The following CRAMP1 variants were observed in gnomAD, a reference collection of about 807,000 sequenced individuals.
CRAMP1 encodes the protein protein cramped-like.
CRAMP1 carries 50 observed loss-of-function variants against 115.4 expected under a neutral mutation model. The observed-to-expected ratio is 0.43, with a 90% CI of 0.35 to 0.55. The LOEUF (loss-of-function observed/expected upper bound fraction) is 0.55, where lower values mean the gene tolerates loss of function less well. Among genes scored for constraint, CRAMP1 ranks in the 20% least tolerant of loss-of-function variants. CRAMP1 has a pLI of 0.01. For missense variants in CRAMP1, 1,679 were observed against 1,721.7 expected, an observed-to-expected ratio of 0.98 and a Z score of 0.44; for synonymous variants, 866 against 745.4, an observed-to-expected ratio of 1.16 and a Z score of -2.64.
intron 3 of CRAMP1, among the ~76,000 whole-genome samples, chr16:1,630,447 G>C (rs1389196061): frequency 6.6e-6 from 1 of 152,084 alleles, no homozygotes; most frequent in Non-Finnish European, 1.5e-5. Context: ...CCACCACCTG[G>C]CTCCCTTAAC....
Position 1,614,754 on chromosome 16 carries a change from G to T in CRAMP1, c.115G>T (p.Ala39Ser). 1 of 1,368,726 alleles carries T rather than the reference G, an allele frequency of 7.3e-7. No individual in the cohort carries two copies. The highest frequency in any genetic ancestry group is 3.1e-5 in the East Asian group (1 of 31,942). The allele number at this position is 1,368,726 out of a possible 1,614,324, so 84.8% of individuals were successfully genotyped here. ...EGEGAGGADA[A>S]EESSGTKRDE... ...AGAAGGGGCCGGCGGCGCAGACGCG[G>T]CCGAGGAGAGCAGCGGCACAAAGAG... is the stretch of plus-strand genomic sequence containing the variant. The change falls in exon 2 of 21, where the codon GCC becomes TCC. Residue 39 changes from alanine (A) to serine (S), a missense_variant. Coordinates refer to ENST00000397412, the MANE Select transcript of CRAMP1 (RefSeq NM_020825.4). This position sits in a 1 kb window ranked among gnomAD's most constrained non-coding sequence, Gnocchi z 4.4.
In CRAMP1 at chr16:1,632,232, G is replaced by A. The variant is rs562440588; in HGVS notation, c.561G>A (p.Ala187=). The A allele has an allele frequency of 3.8e-6, 6 of 1,565,024 alleles. No homozygotes were observed. Among genetic ancestry groups the A allele is most frequent in the East Asian group, 4.8e-5 (2 of 41,718 alleles). Residue 187 remains alanine (A), a synonymous_variant, in exon 4 of 21, where the codon GCG becomes GCA. Coordinates refer to ENST00000397412, the MANE Select transcript of CRAMP1 (RefSeq NM_020825.4). ...GLYEHGKDFE[A]IQNNIALKYK... is the part of the protein sequence containing the mutation. ...TCCAGCATGGGAAAGACTTTGAAGC[G>A]ATTCAGAACAACATTGCGCTGAAGT...
In CRAMP1 at chr16:1,660,000, C is replaced by T. The variant is rs762190804; in HGVS notation, c.2350C>T (p.Arg784Trp). The change falls in exon 11 of 21, where the codon CGG becomes TGG. Residue 784 changes from arginine to tryptophan, a missense_variant. Physicochemically the swap from Arg to Trp is moderately radical, Grantham distance 101. This residue lies in a region of CRAMP1 where 709 missense variants were observed against 741.9 expected (regional missense o/e 0.96). Transcript: ENST00000397412. ...CAGCTCTCGCAGCCCCCGCTGCCCTCGGAACCAGGCCTCCCTCCGCAGCAG... is the reference window on the plus strand; with the variant it reads ...CAGCTCTCGCAGCCCCCGCTGCCCTTGGAACCAGGCCTCCCTCCGCAGCAG... ...TVSSRSPRCP[R>W]NQASLRSSKT... 1.2e-5 allele frequency: 19 copies of T among 1,604,500 alleles called. No homozygotes were observed. The highest frequency in any genetic ancestry group is 1.6e-4 in the Middle Eastern group (1 of 6,072).
chr16:1,653,849 G>C (rs543960520), intron 8 of CRAMP1, among the ~76,000 whole-genome samples: 1 of 125,832 alleles, frequency 7.9e-6, no homozygotes, highest in South Asian at 2.6e-4. Flanking sequence ...AAACAAAAAA[G>C]AAATTGAGGT....
intron 2 of CRAMP1, among the ~76,000 whole-genome samples, chr16:1,617,083 C>T (rs1320924573): frequency 6.6e-6 from 1 of 152,122 alleles, no homozygotes; most frequent in African/African-American, 2.4e-5. Flanking sequence ...CTCAGCCCCC[C>T]AAAGTGCTGG....
intron 8 of CRAMP1, among the ~76,000 whole-genome samples, chr16:1,654,837 C>T (rs545787095): frequency 3.9e-5 from 6 of 152,358 alleles, no homozygotes; most frequent in South Asian, 2.1e-4. Context: ...TCATTCCTTC[C>T]GCTCATGTAC....
Position 1,666,155 on chromosome 16 carries a change from C to T in CRAMP1, c.2835C>T (p.Pro945=). The T allele has an allele frequency of 6.2e-7, 1 of 1,608,568 alleles. No homozygotes were observed. The highest frequency in any genetic ancestry group is 8.5e-7 in the Non-Finnish European group (1 of 1,177,518). ...CGATCGTGCCCAAGGTCCTTCCACCCCAGGCCACGAGTCACCTGGCCAGTA... is the reference window on the plus strand; with the variant it reads ...CGATCGTGCCCAAGGTCCTTCCACCTCAGGCCACGAGTCACCTGGCCAGTA... ...SRPIVPKVLP[P]QATSHLASAI... is the part of the protein sequence containing the mutation. Residue 945 remains proline (P), a synonymous_variant, in exon 15 of 21, where the codon CCC becomes CCT. Coordinates refer to ENST00000397412, the MANE Select transcript of CRAMP1 (RefSeq NM_020825.4). This position sits in a 1 kb window ranked among gnomAD's most constrained non-coding sequence, Gnocchi z 5.0.
chr16:1,625,608 C>G (rs1490355181), intron 2 of CRAMP1: 1 of 170,490 alleles, frequency 5.9e-6, no homozygotes, highest in East Asian at 1.7e-4. Context: ...ACCTCATTTA[C>G]AAAAGAAATA....
At chr16:1,621,610 G>C (rs1034660782) in intron 2 of CRAMP1, among the ~76,000 whole-genome samples, 1 of 152,196 alleles carries the variant, frequency 6.6e-6, no homozygotes, top group Admixed American at 6.5e-5. Flanking sequence ...AGGGAGCTTG[G>C]GGAGGCCCTT....
At chr16:1,626,926 A>C (rs1236702027) in intron 3 of CRAMP1, among the ~76,000 whole-genome samples, 1 of 152,116 alleles carries the variant, frequency 6.6e-6, no homozygotes, top group Non-Finnish European at 1.5e-5. Flanking sequence ...ATGCCACTGC[A>C]GTGGCATAGT....
intron 13 of CRAMP1, among the ~76,000 whole-genome samples, chr16:1,663,417 C>G (rs1468231094): frequency 1.3e-5 from 2 of 152,178 alleles, no homozygotes; most frequent in African/African-American, 4.8e-5. Context: ...CTCTTTCTCC[C>G]TTGAGATTAG....
chr16:1,644,300 T>C (rs2036656373), intron 6 of CRAMP1, among the ~76,000 whole-genome samples: 1 of 152,202 alleles, frequency 6.6e-6, no homozygotes, highest in African/African-American at 2.4e-5. Context: ...AGGAAAGATT[T>C]CTGTCTGCAC....
intron 2 of CRAMP1, among the ~76,000 whole-genome samples, chr16:1,622,526 A>G (rs1320390814): frequency 6.6e-6 from 1 of 152,218 alleles, no homozygotes; most frequent in Non-Finnish European, 1.5e-5. Context: ...CAACCAAAAA[A>G]GCACTCCAAG....
intron 6 of CRAMP1, among the ~76,000 whole-genome samples, chr16:1,644,533 C>T (rs1421354855): frequency 6.6e-6 from 1 of 152,148 alleles, no homozygotes; most frequent in Non-Finnish European, 1.5e-5. Context: ...ACTGACGTGG[C>T]AGGTGGGTGC....
At chr16:1,664,545 G>A (rs1192806367) in intron 13 of CRAMP1, among the ~76,000 whole-genome samples, 1 of 152,172 alleles carries the variant, frequency 6.6e-6, no homozygotes, top group African/African-American at 2.4e-5. Context: ...TTGGGAGGCC[G>A]AGGCAGGTGG....
intron 6 of CRAMP1, among the ~76,000 whole-genome samples, chr16:1,641,926 C>T (rs1331649864): frequency 1.3e-5 from 2 of 152,104 alleles, no homozygotes; most frequent in Non-Finnish European, 1.5e-5. Flanking sequence ...GTTCCACAGC[C>T]TGGGGGTTCC....
chr16:1,656,562 C>T lies in CRAMP1; in HGVS notation c.1805C>T (p.Pro602Leu). 6.4e-7 allele frequency: 1 copy of T among 1,557,060 alleles called. No homozygotes were observed. Among genetic ancestry groups the T allele is most frequent in the East Asian group, 2.4e-5 (1 of 41,366 alleles). The part of the protein sequence containing the change: ...GGAASPEVLA[P>L]VSKEAADLAP... The stretch of plus-strand genomic sequence containing the variant: ...GCGGCCTCCCCAGAGGTGCTGGCTC[C>T]TGTCAGCAAGGAGGCTGCTGACCTT... Residue 602 changes from proline to leucine, a missense_variant, in exon 10 of 21, where the codon CCT becomes CTT. Coordinates refer to ENST00000397412, the MANE Select transcript of CRAMP1 (RefSeq NM_020825.4). The surrounding 1 kb of genome is among the most constrained non-coding windows in gnomAD (Gnocchi z 5.6).
At chr16:1,640,908 C>T (rs981493558) in intron 5 of CRAMP1, among the ~76,000 whole-genome samples, 1 of 152,068 alleles carries the variant, frequency 6.6e-6, no homozygotes, top group Non-Finnish European at 1.5e-5. Flanking sequence ...GAGGAGGGGG[C>T]CAGGCAGGGG....
At chr16:1,628,560 G>A (rs1422344582) in intron 3 of CRAMP1, among the ~76,000 whole-genome samples, 1 of 152,200 alleles carries the variant, frequency 6.6e-6, no homozygotes, top group Non-Finnish European at 1.5e-5. Flanking sequence ...GGCCTAACAC[G>A]TTTCATTTCT....
Sources: allele counts gnomAD v4.1 joint callset (sites outside exome capture counted in the v4.1 genomes callset), GRCh38; gene constraint gnomAD v4.1.1; regional missense constraint gnomAD v4.1.1; non-coding constraint Gnocchi (gnomAD v3.1); transcripts MANE v1.5; gene names NCBI Gene and HGNC (gene_info 2026-07-23, HGNC 2026-07-21).